MAP3K9: variants seen among roughly 807,000 people sequenced by gnomAD.
MAP3K9 encodes mixed lineage kinase 1 (tyr and ser/thr specificity).
A neutral mutation model predicts 95.8 loss-of-function variants in MAP3K9; 46 were observed. The ratio of observed to expected loss-of-function variants is 0.48; its 90% CI spans 0.38 to 0.61. The LOEUF (loss-of-function observed/expected upper bound fraction) is 0.61, where lower values mean the gene tolerates loss of function less well. Among genes scored for constraint, MAP3K9 ranks in the 20% least tolerant of loss-of-function variants. The pLI is 0.00. For missense variants in MAP3K9, 1,296 were observed against 1,474.3 expected (o/e 0.88, Z 1.98); for synonymous variants, 533 against 593.8 (o/e 0.90, Z 1.49).
intron 3 of MAP3K9, 92 bp from the exon 4 acceptor site, chr14:70,750,173 TC>T: frequency 9.1e-7 from 1 of 1,099,920 alleles, no homozygotes; most frequent in Non-Finnish European, 1.3e-6. Flanking sequence ...TCCCACATTC[TC>T]CCCAACAGAT....
intron 3 of MAP3K9, among the ~76,000 whole-genome samples, chr14:70,756,867 T>C (rs2054305723): frequency 6.6e-6 from 1 of 152,200 alleles, no homozygotes; most frequent in Non-Finnish European, 1.5e-5. Flanking sequence ...AATAGCAGCT[T>C]AGCTTAATTG....
chr14:70,781,131 C>T (rs1013342130), intron 2 of MAP3K9, among the ~76,000 whole-genome samples: 2 of 152,254 alleles, frequency 1.3e-5, no homozygotes, highest in African/African-American at 4.8e-5. Context: ...TTGAGACTCA[C>T]TTTAACAGAA....
chr14:70,780,414 G>A (rs923720050), intron 2 of MAP3K9, among the ~76,000 whole-genome samples: 6 of 152,134 alleles, frequency 3.9e-5, no homozygotes, highest in Non-Finnish European at 8.8e-5. Flanking sequence ...CTTTCTTGGA[G>A]GCCGTACCCA....
intron 1 of MAP3K9, among the ~76,000 whole-genome samples, chr14:70,804,036 T>G (rs564161158): frequency 5.9e-5 from 9 of 152,220 alleles, no homozygotes; most frequent in Non-Finnish European, 1.3e-4. Flanking sequence ...TCTGTAGATG[T>G]GGAGAGGAAT....
Position 70,724,079 on chromosome 14 carries a change from C to A in MAP3K9, c.*6301G>T, listed in dbSNP as rs2139680489. The A allele has an allele frequency of 6.6e-6, 1 of 152,252 alleles. No homozygotes were observed. Among genetic ancestry groups the A allele is most frequent in the South Asian group, 2.1e-4 (1 of 4,820 alleles). 9.4% of individuals were successfully genotyped at this position (152,252 alleles called of 1,614,324 possible). A position where few individuals can be genotyped will look rare whatever the true frequency, so the allele number is the denominator to read the frequency against. Reference sequence around the variant, plus strand: ...CAGGGAGTGAAAAAGCCTCCGTTCACTTTAGTCCCTTCTGAAATCTGGACG... The same window carrying A: ...CAGGGAGTGAAAAAGCCTCCGTTCAATTTAGTCCCTTCTGAAATCTGGACG... On this transcript the variant is annotated 3_prime_UTR_variant, in exon 12 of 12. Coordinates refer to ENST00000554752, the MANE Select transcript of MAP3K9 (RefSeq NM_001284230.2).
intron 5 of MAP3K9, among the ~76,000 whole-genome samples, chr14:70,742,901 TTATATATATTTATATATA>T (rs1269105559): frequency 5.5e-5 from 2 of 36,536 alleles, no homozygotes; most frequent in African/African-American, 1.1e-4. Context: ...TGCCTGTGAT[TTATATATATTTATATATA>T]TATATATATA....
At chr14:70,798,426 A>ATCTGCTTCTTTTTACCCC (rs1566767994) in intron 2 of MAP3K9, among the ~76,000 whole-genome samples, 1 of 25,852 alleles carries the variant, frequency 3.9e-5, no homozygotes, top group African/African-American at 1.6e-4. Context: ...CCAGCAATAT[A>ATCTGCTTCTTTTTACCCC]AGCAATCTCT....
At chr14:70,770,592 A>AG (rs1289591033) in intron 2 of MAP3K9, among the ~76,000 whole-genome samples, 1 of 152,206 alleles carries the variant, frequency 6.6e-6, no homozygotes, top group Non-Finnish European at 1.5e-5. Context: ...CAGGGCAAGG[A>AG]GGGGCGACAG....
rs2053786733 is a variant in MAP3K9 at position 70,723,993 on chromosome 14, G to C, written c.*6387C>G. On this transcript the variant is annotated 3_prime_UTR_variant, in exon 12 of 12. Coordinates refer to ENST00000554752, the MANE Select transcript of MAP3K9 (RefSeq NM_001284230.2). ...AACGATACTAGCAGAGGGTGTGATG[G>C]GCCAAATTCTGAAGACTCACTGTGC... 1 of 152,136 alleles carries C rather than the reference G, an allele frequency of 6.6e-6. No individual in the cohort carries two copies. The highest frequency in any genetic ancestry group is 6.5e-5 in the Admixed American group (1 of 15,270). The allele number at this position is 152,136 out of a possible 1,614,324, so 9.4% of individuals were successfully genotyped here.
intron 3 of MAP3K9, among the ~76,000 whole-genome samples, chr14:70,754,731 A>G (rs1030750752): frequency 5.9e-5 from 9 of 152,146 alleles, no homozygotes; most frequent in Non-Finnish European, 1.0e-4. Context: ...TCAGCCTCCC[A>G]AAGTGCTGAG....
intron 11 of MAP3K9, 60 bp from the exon 12 acceptor site, chr14:70,730,924 T>C (rs1055646584): frequency 1.3e-6 from 2 of 1,505,608 alleles, no homozygotes; most frequent in Non-Finnish European, 8.9e-7. Flanking sequence ...GGGTTAGATA[T>C]CCGCTACTCC....
rs1319504001 is a variant in MAP3K9 at position 70,730,669 on chromosome 14, AACC to A, written c.3023_3025del (p.Trp1008del). The A allele has an allele frequency of 1.9e-6, 3 of 1,613,696 alleles. No homozygotes were observed. The highest frequency in any genetic ancestry group is 2.7e-5 in the African/African-American group (2 of 75,030). On this transcript the variant is annotated inframe_deletion, in exon 12 of 12. Transcript: ENST00000554752. ...GCTGCGGGCATGGCTGGGGGACACA[AACC>A]ACCAAGGGTCCAGCCGTTGCCGGTT...
chr14:70,798,434 T>A (rs2054888801), intron 2 of MAP3K9, among the ~76,000 whole-genome samples: 1 of 33,914 alleles, frequency 2.9e-5, no homozygotes, highest in Non-Finnish European at 6.5e-5. Context: ...ATAAGCAATC[T>A]CTAGGTAGAA....
intron 2 of MAP3K9, among the ~76,000 whole-genome samples, chr14:70,793,381 G>A (rs574701165): frequency 6.6e-5 from 10 of 152,300 alleles, no homozygotes; most frequent in South Asian, 2.1e-4. Context: ...GGACTCTAAC[G>A]AGGATGAAAA....
At chr14:70,765,423 T>C (rs756251348) in intron 2 of MAP3K9, 2 of 686,400 alleles carry the variant, frequency 2.9e-6, no homozygotes, top group South Asian at 3.1e-5. Context: ...GTCTTCACAT[T>C]CACTCACCAC....
intron 2 of MAP3K9, among the ~76,000 whole-genome samples, chr14:70,762,088 C>T (rs2054383654): frequency 6.6e-6 from 1 of 152,126 alleles, no homozygotes; most frequent in Non-Finnish European, 1.5e-5. Context: ...TACTTCATTC[C>T]TCTTTATGGG....
At chr14:70,787,361 A>G (rs2054757862) in intron 2 of MAP3K9, among the ~76,000 whole-genome samples, 2 of 151,976 alleles carry the variant, frequency 1.3e-5, no homozygotes, top group Admixed American at 6.6e-5. Context: ...ACAAAAAACT[A>G]GCTGGGTGTG....
intron 2 of MAP3K9, among the ~76,000 whole-genome samples, chr14:70,767,596 A>C (rs938623342): frequency 3.3e-5 from 5 of 152,256 alleles, no homozygotes; most frequent in Admixed American, 1.3e-4. Flanking sequence ...AGTTAGTGCC[A>C]GGTCGGGTAG....
chr14:70,763,907 C>T (rs886160936), intron 2 of MAP3K9, among the ~76,000 whole-genome samples: 3 of 150,444 alleles, frequency 2.0e-5, no homozygotes, highest in Admixed American at 6.6e-5. Context: ...ACTGTCAGGC[C>T]GGGCGCGGTG....
Sources: gnomAD v4.1 joint callset for allele counts (sites outside exome capture counted in the v4.1 genomes callset) on GRCh38, gnomAD v4.1.1 for gene constraint, MANE v1.5 for transcripts, NCBI Gene and HGNC (gene_info 2026-07-23, HGNC 2026-07-21) for gene names.